Variants in TRPC7 observed in about 807,000 individuals in gnomAD.
The protein encoded by TRPC7 is short transient receptor potential channel 7.
TRPC7 carries 42 observed loss-of-function variants against 90.1 expected under a neutral mutation model. That is an observed-to-expected ratio of 0.47 (90% confidence interval 0.36 to 0.60). The LOEUF (loss-of-function observed/expected upper bound fraction) is 0.60. TRPC7 is among the 20% of genes least tolerant of loss of function. The pLI is 0.00. For missense variants in TRPC7, 955 were observed against 1,112.3 expected (o/e 0.86, Z 2.01); for synonymous variants, 451 against 436.3 (o/e 1.03, Z -0.42).
At chr5:136,347,590 C>T (rs1760050294) in intron 2 of TRPC7, among the ~76,000 whole-genome samples, 1 of 152,186 alleles carries the variant, frequency 6.6e-6, no homozygotes, top group African/African-American at 2.4e-5. Context: ...GAATCCTTTC[C>T]ATTCTGGAGT....
chr5:136,299,340 CGT>C (rs529330866), intron 3 of TRPC7, among the ~76,000 whole-genome samples: 10,088 of 122,532 alleles, frequency 0.082, 453 homozygotes, highest in African/African-American at 0.13. Context: ...GGGGTGTGTG[CGT>C]GTGTGTGTGT....
intron 2 of TRPC7, among the ~76,000 whole-genome samples, chr5:136,351,149 A>G (rs538764900): frequency 6.2e-4 from 94 of 151,924 alleles, no homozygotes; most frequent in Non-Finnish European, 1.3e-3. Flanking sequence ...TTTTTTTTCC[A>G]AATATTTTCC....
intron 11 of TRPC7, chr5:136,214,528 C>T (rs551905788): frequency 3.3e-5 from 5 of 152,294 alleles, no homozygotes; most frequent in African/African-American, 7.2e-5. Flanking sequence ...ACTGAGCCCC[C>T]GTTTCATGGT....
intron 10 of TRPC7, chr5:136,222,235 A>T (rs1452100300): frequency 6.6e-6 from 1 of 152,216 alleles, no homozygotes; most frequent in Admixed American, 6.5e-5. Flanking sequence ...AAGCAGAAGG[A>T]TTGACAAACA....
chr5:136,301,348 TTTTTTTTTTTTTA>T (rs1233962267), intron 3 of TRPC7, among the ~76,000 whole-genome samples: 12 of 123,740 alleles, frequency 9.7e-5, no homozygotes, highest in African/African-American at 1.9e-4. Flanking sequence ...TTTTTTTTTT[TTTTTTTTTTTTTA>T]ACAAATCATA....
At chr5:136,305,091 C>T (rs1291545660) in intron 3 of TRPC7, among the ~76,000 whole-genome samples, 9 of 152,280 alleles carry the variant, frequency 5.9e-5, no homozygotes, top group Admixed American at 3.9e-4. Flanking sequence ...TTCTGCTCCC[C>T]GGCTCCTTCA....
At chr5:136,277,872 G>T (rs752372057) in intron 3 of TRPC7, among the ~76,000 whole-genome samples, 1 of 152,206 alleles carries the variant, frequency 6.6e-6, no homozygotes, top group Non-Finnish European at 1.5e-5. Context: ...GAAAATTCTT[G>T]AAGGGAAGAA....
At chr5:136,283,701 T>A (rs1457248512) in intron 3 of TRPC7, among the ~76,000 whole-genome samples, 1 of 152,214 alleles carries the variant, frequency 6.6e-6, no homozygotes, top group Non-Finnish European at 1.5e-5. Flanking sequence ...CTTAGAAACC[T>A]TGCTCATGAC....
At chr5:136,299,351 G>T (rs1442002784) in intron 3 of TRPC7, among the ~76,000 whole-genome samples, 1 of 144,018 alleles carries the variant, frequency 6.9e-6, no homozygotes, top group African/African-American at 2.5e-5. Context: ...GTGTGTGTGT[G>T]TGTGTGTGTG....
At chr5:136,295,119 C>T (rs967792601) in intron 3 of TRPC7, among the ~76,000 whole-genome samples, 5 of 151,508 alleles carry the variant, frequency 3.3e-5, no homozygotes, top group African/African-American at 7.3e-5. Context: ...AGGGGAACAT[C>T]ACACACCGGG....
At chr5:136,216,301 C>A in intron 10 of TRPC7, 26 bp from the exon 11 acceptor site, 1 of 1,593,336 alleles carries the variant, frequency 6.3e-7, no homozygotes, top group Non-Finnish European at 8.6e-7. Context: ...AGGAAGGGAT[C>A]AGACAGGGCT....
chr5:136,280,233 C>G (rs961843102), intron 3 of TRPC7, among the ~76,000 whole-genome samples: 6 of 152,176 alleles, frequency 3.9e-5, no homozygotes, highest in Non-Finnish European at 8.8e-5. Context: ...TCCTCAGCCC[C>G]CAAAGACATC....
At chr5:136,279,465 A>G (rs1757474958) in intron 3 of TRPC7, among the ~76,000 whole-genome samples, 1 of 152,114 alleles carries the variant, frequency 6.6e-6, no homozygotes, top group African/African-American at 2.4e-5. Flanking sequence ...CTGGAGGCGG[A>G]AGCATTTTCC....
rs377216472 is a variant in TRPC7 at position 136,266,311 on chromosome 5, G to A, written c.1254C>T (p.Asn418=). The A allele has an allele frequency of 1.7e-5, 27 of 1,613,868 alleles. No homozygotes were observed. Among genetic ancestry groups the A allele is most frequent in the African/African-American group, 8.0e-5 (6 of 75,038 alleles). Residue 418 remains asparagine (N), a synonymous_variant, in exon 5 of 12, where the codon AAC becomes AAT. Coordinates refer to ENST00000513104, the MANE Select transcript of TRPC7 (RefSeq NM_020389.3). ...GTTTTGGGTAGTCTGTGAAGGTTTC[G>A]TTTGGCAGGGTTTTAACACCTTCAA... The part of the protein sequence containing the change: ...DRFEGVKTLP[N]ETFTDYPKQI...
intron 2 of TRPC7, among the ~76,000 whole-genome samples, chr5:136,324,652 G>A (rs1759292001): frequency 6.6e-6 from 1 of 152,158 alleles, no homozygotes; most frequent in Non-Finnish European, 1.5e-5. Context: ...AACTTTTGAT[G>A]ATAGGGCCAT....
chr5:136,274,967 G>T, intron 3 of TRPC7, 130 bp from the exon 4 acceptor site: 1 of 1,018,304 alleles, frequency 9.8e-7, no homozygotes, highest in Non-Finnish European at 1.4e-6. Flanking sequence ...TGAGGAACCT[G>T]CAGTGGGTGG....
intron 5 of TRPC7, among the ~76,000 whole-genome samples, chr5:136,252,973 A>G (rs1267345925): frequency 6.6e-6 from 1 of 152,228 alleles, no homozygotes; most frequent in African/African-American, 2.4e-5. Flanking sequence ...GTACTGTCCA[A>G]TACCATAGCC....
intron 4 of TRPC7, 143 bp downstream of exon 4, chr5:136,274,530 C>T: frequency 2.2e-6 from 2 of 898,634 alleles, no homozygotes; most frequent in Non-Finnish European, 3.0e-6. Flanking sequence ...TATGTGGTTT[C>T]CTACTTTCAC....
At chr5:136,332,099 G>A (rs1759520186) in intron 2 of TRPC7, among the ~76,000 whole-genome samples, 1 of 152,138 alleles carries the variant, frequency 6.6e-6, no homozygotes, top group Admixed American at 6.5e-5. Context: ...CCCTGATGAG[G>A]TGATTTTGAA....
Sources: allele counts gnomAD v4.1 joint callset (sites outside exome capture counted in the v4.1 genomes callset), GRCh38; gene constraint gnomAD v4.1.1; transcripts MANE v1.5; gene names NCBI Gene and HGNC (gene_info 2026-07-23, HGNC 2026-07-21).